BMP3: variants seen among roughly 807,000 people sequenced by gnomAD.
BMP3 encodes the protein bone morphogenetic protein 3.
A neutral mutation model predicts 38.1 loss-of-function variants in BMP3; 23 were observed. The observed-to-expected ratio is 0.60, with a 90% CI of 0.43 to 0.86. The LOEUF is 0.86. BMP3 is among the 40% of genes least tolerant of loss of function. The pLI, the probability that BMP3 is intolerant of heterozygous loss-of-function variation, is 0.00. For missense variants in BMP3, 628 were observed against 579.6 expected (o/e 1.08, Z -0.86); for synonymous variants, 258 against 225.7 (o/e 1.14, Z -1.28).
chr4:81,055,605 T>C lies in BMP3; in HGVS notation c.*2069T>C, dbSNP rs1332141984. On this transcript the variant is annotated 3_prime_UTR_variant, in exon 3 of 3. Transcript: ENST00000282701. ...TTTTTCAATAAAGAAAACTTTTTCA[T>C]TGGTAGATTTGGTGAAATTCTAAAT... The C allele has an allele frequency of 6.6e-6, 1 of 152,196 alleles. No individual in the cohort carries two copies. The highest frequency in any genetic ancestry group is 1.5e-5 in the Non-Finnish European group (1 of 68,026). The allele number at this position is 152,196 out of a possible 1,614,324, so 9.4% of individuals were successfully genotyped here.
chr4:81,041,204 C>T (rs888359910), intron 1 of BMP3, among the ~76,000 whole-genome samples: 4 of 152,116 alleles, frequency 2.6e-5, no homozygotes, highest in African/African-American at 9.7e-5. Context: ...TGCAGGAAGC[C>T]GTTTACCTCA....
intron 1 of BMP3, among the ~76,000 whole-genome samples, chr4:81,039,129 A>G (rs1052090088): frequency 5.9e-5 from 9 of 152,178 alleles, no homozygotes; most frequent in Non-Finnish European, 1.2e-4. Flanking sequence ...CAGCACAGGG[A>G]TGCTGCAATC....
chr4:81,052,099 C>T (rs148742600), intron 2 of BMP3, among the ~76,000 whole-genome samples: 2,037 of 151,570 alleles, frequency 0.013, 16 homozygotes, highest in African/African-American at 0.013. Context: ...GTTTCCCATG[C>T]TGGGAGCTTT....
At chr4:81,041,972 A>G (rs539683021) in intron 1 of BMP3, among the ~76,000 whole-genome samples, 32 of 151,826 alleles carry the variant, frequency 2.1e-4, no homozygotes, top group Admixed American at 2.0e-3. Context: ...CATTTTGACT[A>G]CAAAACTAGT....
chr4:81,039,073 GTTC>G (rs921469088), intron 1 of BMP3, among the ~76,000 whole-genome samples: 11 of 152,312 alleles, frequency 7.2e-5, no homozygotes, highest in African/African-American at 2.2e-4. Flanking sequence ...ATGACTTTGT[GTTC>G]TTTGTAGAAT....
Position 81,046,187 on chromosome 4 carries a change from G to A in BMP3, c.766G>A (p.Val256Ile). ...DAAISEPESV[V>I]SSLQGHRNFP... ...CGCCATTTCTGAGCCAGAAAGTGTG[G>A]TATCAAGCTTACAGGGACACCGGAA... The change falls in exon 2 of 3, where the codon GTA becomes ATA. Residue 256 changes from valine to isoleucine, a missense_variant. By Grantham distance (29) the Val-to-Ile change is conservative. Coordinates refer to ENST00000282701, the MANE Select transcript of BMP3 (RefSeq NM_001201.5). 6.8e-6 allele frequency: 11 copies of A among 1,614,056 alleles called. No homozygotes were observed. The highest frequency in any genetic ancestry group is 9.3e-6 in the Non-Finnish European group (11 of 1,180,020).
chr4:81,031,242 C>G lies in BMP3; in HGVS notation c.-43C>G. The G allele has an allele frequency of 6.6e-7, 1 of 1,525,786 alleles. No individual in the cohort carries two copies. Among genetic ancestry groups the G allele is most frequent in the Non-Finnish European group, 8.8e-7 (1 of 1,135,348 alleles). 94.5% of individuals were successfully genotyped at this position (1,525,786 alleles called of 1,614,324 possible). On this transcript the variant is annotated 5_prime_UTR_variant, in exon 1 of 3. Transcript: ENST00000282701. ...GGCTCCTTGCGCCTTCGGAGTGTCCCGCAGCGACGCCGGGAGCCGACGCGC... is the reference window on the plus strand; with the variant it reads ...GGCTCCTTGCGCCTTCGGAGTGTCCGGCAGCGACGCCGGGAGCCGACGCGC...
rs765574543 is a variant in BMP3 at position 81,053,492 on chromosome 4, A to G, written c.1375A>G (p.Lys459Glu). 5.6e-6 allele frequency: 9 copies of G among 1,604,656 alleles called. No individual in the cohort carries two copies. Among genetic ancestry groups the G allele is most frequent in the Middle Eastern group, 1.7e-4 (1 of 6,060 alleles). Residue 459 changes from lysine (K) to glutamate (E), a missense_variant, in exon 3 of 3, where the codon AAA becomes GAA. By Grantham distance (56) the Lys-to-Glu change is moderately conservative (BLOSUM62 1). Transcript: ENST00000282701. The stretch of plus-strand genomic sequence containing the variant: ...TGATGAAAATAAGAATGTAGTGCTT[A>G]AAGTATACCCTAACATGACAGTAGA... ...FFDENKNVVLKVYPNMTVESC... is the reference protein window; with the variant it reads ...FFDENKNVVLEVYPNMTVESC...
Position 81,046,213 on chromosome 4 carries a change from T to C in BMP3, c.792T>C (p.Asn264=). 1 of 1,614,012 alleles carries C rather than the reference T, an allele frequency of 6.2e-7. No homozygotes were observed. Among genetic ancestry groups the C allele is most frequent in the Non-Finnish European group, 8.5e-7 (1 of 1,180,014 alleles). The stretch of plus-strand genomic sequence containing the variant: ...TATCAAGCTTACAGGGACACCGGAA[T>C]TTTCCCACTGGAACTGTTCCCAAAT... The part of the protein sequence containing the change: ...SVVSSLQGHR[N]FPTGTVPKWD... Residue 264 remains asparagine (N), a synonymous_variant, in exon 2 of 3, where the codon AAT becomes AAC. Coordinates refer to ENST00000282701, the MANE Select transcript of BMP3 (RefSeq NM_001201.5).
chr4:81,049,392 T>C (rs1740346341), intron 2 of BMP3, among the ~76,000 whole-genome samples: 1 of 152,006 alleles, frequency 6.6e-6, no homozygotes, highest in Admixed American at 6.6e-5. Flanking sequence ...ATTTGGAGAG[T>C]AAGAGAATCA....
rs60606505 is a variant in BMP3, at chr4:81,053,601, GTTT to G, written c.*83_*85del. 5,501 of 354,886 alleles carry G rather than the reference GTTT, an allele frequency of 0.016. No homozygotes were observed. Among genetic ancestry groups the G allele is most frequent in the Middle Eastern group, 0.033 (34 of 1,030 alleles). The allele number at this position is 354,886 out of a possible 1,614,324, so 22.0% of individuals were successfully genotyped here. A position where few individuals can be genotyped will look rare whatever the true frequency, so the allele number is the denominator to read the frequency against. On this transcript the variant is annotated 3_prime_UTR_variant, in exon 3 of 3. Transcript: ENST00000282701. ...AGTTTATTTTTATGGACTTCTTCCT[GTTT>G]TTTTTTTTTTTTTTTTTGCACTGCC...
intron 2 of BMP3, among the ~76,000 whole-genome samples, chr4:81,052,097 T>C (rs762997522): frequency 3.3e-5 from 5 of 151,962 alleles, no homozygotes; most frequent in Non-Finnish European, 4.4e-5. Context: ...CAGTTTCCCA[T>C]GCTGGGAGCT....
chr4:81,031,142 T>A lies in BMP3; in HGVS notation c.-143T>A, dbSNP rs753503907. ...CAAGTGGGGCTGGCCGCTATCTCGC[T>A]GCACCCGGCCGCGTCCCGGGCTCCG... On this transcript the variant is annotated 5_prime_UTR_variant, in exon 1 of 3. Transcript: ENST00000282701. 42 of 879,296 alleles carry A rather than the reference T, an allele frequency of 4.8e-5. No homozygotes were observed. The highest frequency in any genetic ancestry group is 6.4e-5 in the Non-Finnish European group (38 of 595,470). The allele number at this position is 879,296 out of a possible 1,614,324, so 54.5% of individuals were successfully genotyped here.
intron 1 of BMP3, among the ~76,000 whole-genome samples, chr4:81,039,578 A>G (rs534274870): frequency 6.6e-6 from 1 of 152,278 alleles, no homozygotes; most frequent in African/African-American, 2.4e-5. Flanking sequence ...CCTTGGTTTC[A>G]TCAGGTTCAA....
chr4:81,035,584 A>G (rs1202933107), intron 1 of BMP3, among the ~76,000 whole-genome samples: 1 of 152,110 alleles, frequency 6.6e-6, no homozygotes, highest in African/African-American at 2.4e-5. Context: ...GCATTCAAGA[A>G]AACAAGTCCT....
Position 81,041,769 on chromosome 4 carries a change from T to C in BMP3, c.317-3969T>C, listed in dbSNP as rs1341446116. Among the ~76,000 whole-genome samples, 6 of 152,332 alleles carry C rather than the reference T, an allele frequency of 3.9e-5. No homozygotes were observed. The South Asian group carries it at 6.2e-4, about 16-fold the overall frequency. Reference sequence around the variant, plus strand: ...CAGCATTGCATACTGCTAGAATGTGTTCCTTCCATCCCCTCACCAAGATTT... The same window carrying C: ...CAGCATTGCATACTGCTAGAATGTGCTCCTTCCATCCCCTCACCAAGATTT... On this transcript the variant is annotated intron_variant, in intron 1 of 2. Transcript: ENST00000282701.
In BMP3 at chr4:81,053,557, A is replaced by T; in HGVS notation, c.*21A>T. The T allele has an allele frequency of 7.3e-7, 1 of 1,368,788 alleles. No homozygotes were observed. Among genetic ancestry groups the T allele is most frequent in the Non-Finnish European group, 9.6e-7 (1 of 1,037,088 alleles). 84.8% of individuals were successfully genotyped at this position (1,368,788 alleles called of 1,614,324 possible). A position where few individuals can be genotyped will look rare whatever the true frequency, so the allele number is the denominator to read the frequency against. ...GATAACCTGGCAAAGAACTCATTTGAATGCTTAATTCAATCATTAGTTTAT... is the reference window on the plus strand; with the variant it reads ...GATAACCTGGCAAAGAACTCATTTGTATGCTTAATTCAATCATTAGTTTAT... On this transcript the variant is annotated 3_prime_UTR_variant, in exon 3 of 3. Transcript: ENST00000282701.
chr4:81,031,452 C>T lies in BMP3; in HGVS notation c.168C>T (p.Val56=), dbSNP rs753811080. ...CCGAGCTGCAGCCGCAAGACAAGGT[C>T]TCTGAACACATGCTGCGGCTCTATG... ...PDSELQPQDK[V]SEHMLRLYDR... The change falls in exon 1 of 3, where the codon GTC becomes GTT. Residue 56 remains valine (V), a synonymous_variant. Transcript: ENST00000282701. 1 of 1,613,670 alleles carries T rather than the reference C, an allele frequency of 6.2e-7. No homozygotes were observed. The highest frequency in any genetic ancestry group is 8.5e-7 in the Non-Finnish European group (1 of 1,179,790).
Position 81,053,608 on chromosome 4 carries a change from T to TTC in BMP3, c.*73_*74insCT, listed in dbSNP as rs1740461497. 1.3e-6 allele frequency: 1 copy of TTC among 799,708 alleles called. No homozygotes were observed. The highest frequency in any genetic ancestry group is 3.2e-5 in the East Asian group (1 of 30,802). The allele number at this position is 799,708 out of a possible 1,614,324, so 49.5% of individuals were successfully genotyped here. On this transcript the variant is annotated 3_prime_UTR_variant, in exon 3 of 3. Coordinates refer to ENST00000282701, the MANE Select transcript of BMP3 (RefSeq NM_001201.5). ...TTTTATGGACTTCTTCCTGTTTTTTTTTTTTTTTTTTTTGCACTGCCAATG... is the reference window on the plus strand; with the variant it reads ...TTTTATGGACTTCTTCCTGTTTTTTTTCTTTTTTTTTTTTTGCACTGCCAATG...
Sources: allele counts gnomAD v4.1 joint callset (sites outside exome capture counted in the v4.1 genomes callset), GRCh38; gene constraint gnomAD v4.1.1; transcripts MANE v1.5; gene names NCBI Gene and HGNC (gene_info 2026-07-23, HGNC 2026-07-21).